ZNF48: variants seen among roughly 807,000 people sequenced by gnomAD.
ZNF48 encodes zinc finger protein 553.
A neutral mutation model predicts 40.0 loss-of-function variants in ZNF48; 20 were observed. The ratio of observed to expected loss-of-function variants is 0.50; its 90% CI spans 0.35 to 0.73. The LOEUF is 0.73. ZNF48 is among the 30% of genes least tolerant of loss of function. The pLI, the probability that ZNF48 is intolerant of heterozygous loss-of-function variation, is 0.01. For synonymous variants in ZNF48, 298 were observed against 329.7 expected (o/e 0.90, Z 1.04); for missense variants, 726 against 851.9 (o/e 0.85, Z 1.84).
intron 1 of ZNF48, chr16:30,380,211 G>A (rs1160704100): frequency 6.9e-6 from 3 of 432,298 alleles, no homozygotes; most frequent in Non-Finnish European, 1.2e-5. Context: ...CAGAGACATA[G>A]ATGGTGAGAA....
At chr16:30,379,666 T>TTTTTTTTA in intron 1 of ZNF48, 1 of 616,040 alleles carries the variant, frequency 1.6e-6, no homozygotes. Context: ...TTTTTTTTTT[T>TTTTTTTTA]GAGACAGGGT....
At position 30,399,345 on chromosome 16, in the gene ZNF48, C is replaced by A; in HGVS notation, c.*238C>A. On this transcript the variant is annotated 3_prime_UTR_variant, in exon 3 of 3. Transcript: ENST00000613509. ...CCCTGGCTTCTAGAAGACTGCCTAGCACACAGTAGGCATTCAATACTTGTT... is the reference window on the plus strand; with the variant it reads ...CCCTGGCTTCTAGAAGACTGCCTAGAACACAGTAGGCATTCAATACTTGTT... 2.1e-6 allele frequency: 1 copy of A among 476,196 alleles called. No homozygotes were observed. Among genetic ancestry groups the A allele is most frequent in the Non-Finnish European group, 3.7e-6 (1 of 268,666 alleles). 29.5% of individuals were successfully genotyped at this position (476,196 alleles called of 1,614,324 possible).
In ZNF48 at chr16:30,399,090, G is replaced by A; in HGVS notation, c.1840G>A (p.Ala614Thr). Reference protein sequence around the residue: ...GRARPLKQEAATGLE With the variant: ...GRARPLKQEATTGLE ...GGCAAGGCCCCTCAAGCAGGAGGCA[G>A]CAACAGGACTGGAATGACGCGGTCC... is the stretch of plus-strand genomic sequence containing the variant. Residue 614 changes from alanine to threonine, a missense_variant, in exon 3 of 3, where the codon GCA becomes ACA. Physicochemically the swap from Ala to Thr is moderately conservative, Grantham distance 58 (BLOSUM62 0). Coordinates refer to ENST00000613509, the MANE Select transcript of ZNF48 (RefSeq NM_001214909.2). The A allele has an allele frequency of 6.3e-7, 1 of 1,594,186 alleles. No individual in the cohort carries two copies. The highest frequency in any genetic ancestry group is 8.5e-7 in the Non-Finnish European group (1 of 1,169,778).
chr16:30,378,315 G>T lies in ZNF48; in HGVS notation c.-111G>T, dbSNP rs2049778349. On this transcript the variant is annotated 5_prime_UTR_variant, in exon 1 of 3. Transcript: ENST00000528032. Reference sequence around the variant, plus strand: ...CTCAGGCTGGGAGAACCTCCCCCTAGCCCGCGCGAGGGCGGCACCCGCGGA... The same window carrying T: ...CTCAGGCTGGGAGAACCTCCCCCTATCCCGCGCGAGGGCGGCACCCGCGGA... 1.3e-5 allele frequency: 13 copies of T among 995,722 alleles called. No homozygotes were observed. The South Asian group carries it at 1.6e-4, about 12-fold the overall frequency. 61.7% of individuals were successfully genotyped at this position (995,722 alleles called of 1,614,324 possible).
chr16:30,379,919 T>C, intron 1 of ZNF48: 1 of 1,444,006 alleles, frequency 6.9e-7, no homozygotes. Context: ...CCTTCCTTCT[T>C]TGTTTCCCAC....
upstream of ZNF48, among the ~76,000 whole-genome samples, chr16:30,394,148 T>A (rs118002252): frequency 7.3e-3 from 1,107 of 152,054 alleles, 4 homozygotes; most frequent in Non-Finnish European, 0.011. Context: ...GGGAATCCTC[T>A]CAGCTGGGAT....
chr16:30,395,869 C>T lies in ZNF48; in HGVS notation c.75C>T (p.Arg25=), dbSNP rs1395838638. Residue 25 remains arginine, a synonymous_variant, in exon 2 of 3, where the codon CGC becomes CGT. Coordinates refer to ENST00000613509, the MANE Select transcript of ZNF48 (RefSeq NM_001214909.2). This position sits in a 1 kb window ranked among gnomAD's most constrained non-coding sequence, Gnocchi z 5.9. ...AGAGGGAGCCACAGAGAGGCGCCCG[C>T]ACAGGTGAGGGCCTCGGCCGTGCGC... ...PEEREPQRGA[R]TGLGSENVIS... 1 of 1,540,324 alleles carries T rather than the reference C, an allele frequency of 6.5e-7. No individual in the cohort carries two copies. Among genetic ancestry groups the T allele is most frequent in the Non-Finnish European group, 8.7e-7 (1 of 1,147,616 alleles).
At chr16:30,383,298 C>T (rs912028284) in intron 1 of ZNF48, among the ~76,000 whole-genome samples, 3 of 152,190 alleles carry the variant, frequency 2.0e-5, no homozygotes, top group Admixed American at 2.0e-4. Context: ...CCGCCATTCT[C>T]CTGCCTCAGC....
In ZNF48 at chr16:30,381,645, C is replaced by G; in HGVS notation, c.-16+3235C>G. 1 of 1,525,474 alleles carries G rather than the reference C, an allele frequency of 6.6e-7. No homozygotes were observed. The highest frequency in any genetic ancestry group is 8.9e-7 in the Non-Finnish European group (1 of 1,126,702). 94.5% of individuals were successfully genotyped at this position (1,525,474 alleles called of 1,614,324 possible). ...CAAGAAGCACAGGGACCCAGTGGCCCTCTGAAACAGACACCACCTTTTGAG... is the reference window on the plus strand; with the variant it reads ...CAAGAAGCACAGGGACCCAGTGGCCGTCTGAAACAGACACCACCTTTTGAG... On this transcript the variant is annotated intron_variant, in intron 1 of 2. Transcript: ENST00000528032. The surrounding 1 kb of genome is among the most constrained non-coding windows in gnomAD (Gnocchi z 4.3).
chr16:30,380,914 G>A, intron 1 of ZNF48: 1 of 598,792 alleles, frequency 1.7e-6, no homozygotes, highest in African/African-American at 1.8e-5. Context: ...CCTCAGCCAG[G>A]CATCTAGCCC....
In ZNF48 at chr16:30,382,985, G is replaced by C. The variant is rs896122772; in HGVS notation, c.-16+4575G>C. 4 of 612,504 alleles carry C rather than the reference G, an allele frequency of 6.5e-6. No individual in the cohort carries two copies. In the African/African-American group the frequency reaches 7.3e-5, roughly 11 times the overall value. 37.9% of individuals were successfully genotyped at this position (612,504 alleles called of 1,614,324 possible). A position where few individuals can be genotyped will look rare whatever the true frequency, so the allele number is the denominator to read the frequency against. On this transcript the variant is annotated intron_variant, in intron 1 of 2. Transcript: ENST00000528032. This position sits in a 1 kb window ranked among gnomAD's most constrained non-coding sequence, Gnocchi z 4.8. ...GCCAAGGAGTTCCAGACCAGCCTGG[G>C]CAACAGAGGGACGTGCCCCTCTACC... is the stretch of plus-strand genomic sequence containing the variant.
upstream of ZNF48, among the ~76,000 whole-genome samples, chr16:30,390,767 C>T (rs975378032): frequency 1.4e-4 from 21 of 151,586 alleles, no homozygotes; most frequent in African/African-American, 4.6e-4. Flanking sequence ...ACTACAGGCG[C>T]CCGCCATCAC....
rs1471985807 is a variant in ZNF48, at chr16:30,381,812, G to A, written c.-16+3402G>A. On this transcript the variant is annotated intron_variant, in intron 1 of 2. Coordinates refer to the ZNF48 transcript ENST00000528032. This position sits in a 1 kb window ranked among gnomAD's most constrained non-coding sequence, Gnocchi z 4.3. Reference sequence around the variant, plus strand: ...AAGCCAGGTGTGTCCACAAGGGTCAGCTTCACTTTCACACCCCCTTCCTCA... The same window carrying A: ...AAGCCAGGTGTGTCCACAAGGGTCAACTTCACTTTCACACCCCCTTCCTCA... 1.2e-6 allele frequency: 2 copies of A among 1,614,168 alleles called. No individual in the cohort carries two copies. The highest frequency in any genetic ancestry group is 1.1e-5 in the South Asian group (1 of 91,090).
rs1479450212 is a variant in ZNF48, at chr16:30,398,873, G to A, written c.1623G>A (p.Gln541=). Residue 541 remains glutamine (Q), a synonymous_variant, in exon 3 of 3, where the codon CAG becomes CAA. Transcript: ENST00000613509. The surrounding 1 kb of genome is among the most constrained non-coding windows in gnomAD (Gnocchi z 6.6). ...GGGCCCAGCCTTCTGGACCCAGCCA[G>A]CCCCACGTGTGTGGCTTCTGTGGGA... The part of the protein sequence containing the change: ...RVRAQPSGPS[Q]PHVCGFCGKE... The A allele has an allele frequency of 6.2e-6, 10 of 1,613,956 alleles. No individual in the cohort carries two copies. The highest frequency in any genetic ancestry group is 8.5e-6 in the Non-Finnish European group (10 of 1,179,984).
chr16:30,379,146 T>A, intron 1 of ZNF48: 1 of 1,614,046 alleles, frequency 6.2e-7, no homozygotes, highest in Non-Finnish European at 8.5e-7. Flanking sequence ...CCAGCATCCG[T>A]CGCAGGTTCA....
Position 30,397,920 on chromosome 16 carries a change from A to G in ZNF48, c.670A>G (p.Ile224Val), listed in dbSNP as rs34843513. 43,951 of 1,612,980 alleles carry G rather than the reference A, an allele frequency of 0.027. 760 individuals are homozygous for G. The highest frequency in any genetic ancestry group is 0.039 in the Middle Eastern group (237 of 6,052). ...HTGEKPYKCG[I>V]CGKGFGDSSA... ...TGGTGAGAAGCCCTACAAGTGTGGC[A>G]TATGTGGCAAGGGCTTTGGCGACAG... Residue 224 changes from isoleucine to valine, a missense_variant, in exon 3 of 3, where the codon ATA (isoleucine) becomes GTA (valine). This residue lies in a region of ZNF48 where 378 missense variants were observed against 449.1 expected (regional missense o/e 0.84). Coordinates refer to ENST00000613509, the MANE Select transcript of ZNF48 (RefSeq NM_001214909.2). This position sits in a 1 kb window ranked among gnomAD's most constrained non-coding sequence, Gnocchi z 4.1.
intron 1 of ZNF48, among the ~76,000 whole-genome samples, chr16:30,383,895 C>G (rs2049878842): frequency 6.6e-6 from 1 of 152,220 alleles, no homozygotes. Context: ...TCCACCTACC[C>G]TAGGCAGGGT....
In ZNF48 at chr16:30,382,582, C is replaced by T. The variant is rs1349921342; in HGVS notation, c.-16+4172C>T. ...TCTCTCCCCACTTCCTCTGGTGGGG[C>T]AGGAAGCTGAGTGCGGCTAACAAGG... On this transcript the variant is annotated intron_variant, in intron 1 of 2. Transcript: ENST00000528032. This position sits in a 1 kb window ranked among gnomAD's most constrained non-coding sequence, Gnocchi z 4.8. The T allele has an allele frequency of 1.3e-6, 2 of 1,571,248 alleles. No individual in the cohort carries two copies. The highest frequency in any genetic ancestry group is 1.2e-5 in the South Asian group (1 of 85,742).
At position 30,399,206 on chromosome 16, in the gene ZNF48, A is replaced by C. The variant is rs2050028182; in HGVS notation, c.*99A>C. 1 of 1,122,130 alleles carries C rather than the reference A, an allele frequency of 8.9e-7. No individual in the cohort carries two copies. Among genetic ancestry groups the C allele is most frequent in the Admixed American group, 2.7e-5 (1 of 36,486 alleles). 69.5% of individuals were successfully genotyped at this position (1,122,130 alleles called of 1,614,324 possible). A position where few individuals can be genotyped will look rare whatever the true frequency, so the allele number is the denominator to read the frequency against. Reference sequence around the variant, plus strand: ...TGGGAGGTGGTGGGAGGGAGAAGGAAGGGAAGAAAGGGGAGGAAGAATAGA... The same window carrying C: ...TGGGAGGTGGTGGGAGGGAGAAGGACGGGAAGAAAGGGGAGGAAGAATAGA... On this transcript the variant is annotated 3_prime_UTR_variant, in exon 3 of 3. Coordinates refer to ENST00000613509, the MANE Select transcript of ZNF48 (RefSeq NM_001214909.2).
Sources: allele counts gnomAD v4.1 joint callset (sites outside exome capture counted in the v4.1 genomes callset), GRCh38; gene constraint gnomAD v4.1.1; regional missense constraint gnomAD v4.1.1; non-coding constraint Gnocchi (gnomAD v3.1); transcripts MANE v1.5; gene names NCBI Gene and HGNC (gene_info 2026-07-23, HGNC 2026-07-21).